Variants in C4orf50 observed in about 807,000 individuals in gnomAD.
The protein encoded by C4orf50 is uncharacterized protein C4orf50.
Under a neutral mutation model 77.2 loss-of-function variants are expected in C4orf50, and 80 were observed. The ratio of observed to expected loss-of-function variants is 1.04; its 90% confidence interval spans 0.87 to 1.25. C4orf50 has a LOEUF of 1.25. Ranked by LOEUF, C4orf50 falls within the 50% of genes most tolerant of loss-of-function variation. The probability of loss-of-function intolerance (pLI) is 0.00; values close to 1 mark genes in which losing one functional copy is unlikely to be tolerated. For missense variants in C4orf50, 1,257 were observed against 1,152.9 expected, an observed-to-expected ratio of 1.09 and a Z score of -1.31; for synonymous variants, 532 against 465.3, an observed-to-expected ratio of 1.14 and a Z score of -1.84.
chr4:5,930,652 G>T (rs75529820), intron 7 of C4orf50, among the ~76,000 whole-genome samples: 279 of 152,326 alleles, frequency 1.8e-3, no homozygotes, highest in African/African-American at 6.4e-3. Context: ...CTGGGGCCCC[G>T]CCCGCCCTGG....
At chr4:5,981,553 T>G (rs946690701) in intron 28 of C4orf50, among the ~76,000 whole-genome samples, 5 of 151,990 alleles carry the variant, frequency 3.3e-5, no homozygotes, top group African/African-American at 1.2e-4. Context: ...TGCAGATATG[T>G]GCCACCACAC....
chr4:5,994,245 C>A (rs565652531), intron 26 of C4orf50, 102 bp downstream of exon 4: 38 of 397,398 alleles, frequency 9.6e-5, no homozygotes, highest in African/African-American at 7.4e-4. Context: ...GGGGACCACC[C>A]CCTCTCCCTG....
At chr4:5,965,751 C>T (rs918012509) in intron 32 of C4orf50, among the ~76,000 whole-genome samples, 1 of 152,188 alleles carries the variant, frequency 6.6e-6, no homozygotes, top group Non-Finnish European at 1.5e-5. Flanking sequence ...ACTGAGAACA[C>T]GTTTCTCTGC....
chr4:5,942,458 C>G (rs1484373135), intron 7 of C4orf50, among the ~76,000 whole-genome samples: 1 of 152,158 alleles, frequency 6.6e-6, no homozygotes, highest in Admixed American at 6.5e-5. Flanking sequence ...TTTAGAAATT[C>G]AATGTGACAG....
Position 5,980,097 on chromosome 4 carries a change from A to G in C4orf50, c.3864+77T>C. 2.3e-6 allele frequency: 3 copies of G among 1,306,628 alleles called. No individual in the cohort carries two copies. In the South Asian group the frequency reaches 4.7e-5, roughly 20 times the overall value. The allele number at this position is 1,306,628 out of a possible 1,614,324, so 80.9% of individuals were successfully genotyped here. On this transcript the variant is annotated intron_variant, in intron 29 of 33. Coordinates refer to ENST00000531445, the Ensembl canonical transcript of C4orf50. ...GGCTGGGTCAAGAAGACCTCAGCAAATCTTTGTTCACTCCCAAAACGCCCC... is the reference window on the plus strand; with the variant it reads ...GGCTGGGTCAAGAAGACCTCAGCAAGTCTTTGTTCACTCCCAAAACGCCCC...
chr4:5,998,573 C>T (rs374273016), intron 25 of C4orf50, among the ~76,000 whole-genome samples: 19 of 152,214 alleles, frequency 1.2e-4, no homozygotes, highest in East Asian at 7.7e-4. Flanking sequence ...TCCTGAAGCC[C>T]CTGACGTGGG....
At chr4:5,917,864 G>A (rs912921349) in intron 7 of C4orf50, among the ~76,000 whole-genome samples, 5 of 151,944 alleles carry the variant, frequency 3.3e-5, no homozygotes, top group Non-Finnish European at 7.4e-5. Flanking sequence ...TCCTGCCTTC[G>A]ACTTCCATAA....
At chr4:5,952,933 A>G (rs1718793334), downstream of C4orf50, among the ~76,000 whole-genome samples, 1 of 152,196 alleles carries the variant, frequency 6.6e-6, no homozygotes, top group African/African-American at 2.4e-5. This position sits in a 1 kb window ranked among gnomAD's most constrained non-coding sequence, Gnocchi z 4.4. Context: ...GAAATATTTT[A>G]TGCCATTGTG....
chr4:5,980,431 G>GTTT, intron 28 of C4orf50, 93 bp from the exon 7 acceptor site: 35 of 940,930 alleles, frequency 3.7e-5, no homozygotes, highest in Non-Finnish European at 4.8e-5. Flanking sequence ...CCACTCCGTA[G>GTTT]TTTTTTTTTT....
chr4:5,999,324 TCTC>T (rs1721730079), intron 25 of C4orf50, among the ~76,000 whole-genome samples: 1 of 152,102 alleles, frequency 6.6e-6, no homozygotes, highest in African/African-American at 2.4e-5. Flanking sequence ...TCCTCAGTGT[TCTC>T]CTCTGCAAAA....
At chr4:5,994,188 T>G (rs73196031) in intron 26 of C4orf50, among the ~76,000 whole-genome samples, 159 bp downstream of exon 4, 12,802 of 152,166 alleles carry the variant, frequency 0.084, 639 homozygotes, top group African/African-American at 0.14. Flanking sequence ...GTGACCCTGA[T>G]AGAGGGACCC....
intron 7 of C4orf50, among the ~76,000 whole-genome samples, chr4:5,947,657 G>T (rs76666020): frequency 1.3e-5 from 2 of 151,974 alleles, no homozygotes; most frequent in Non-Finnish European, 2.9e-5. Context: ...CACACTCACA[G>T]CCCTTCCTTT....
Position 6,015,987 on chromosome 4 carries a change from G to A in C4orf50, c.287+2158C>T, listed in dbSNP as rs913131543. 6.6e-6 allele frequency among the ~76,000 whole-genome samples: 1 copy of A among 152,182 alleles called. No individual in the cohort carries two copies. Among genetic ancestry groups the A allele is most frequent in the South Asian group, 2.1e-4 (1 of 4,830 alleles). On this transcript the variant is annotated intron_variant, in intron 23 of 33. Coordinates refer to ENST00000531445, the Ensembl canonical transcript of C4orf50. The surrounding 1 kb of genome is among the most constrained non-coding windows in gnomAD (Gnocchi z 4.4). ...TGCGTGAGTGTGCGCGTGGGTGTGAGTGTCCTGTTCAGGCCTTGCACCCTG... is the reference window on the plus strand; with the variant it reads ...TGCGTGAGTGTGCGCGTGGGTGTGAATGTCCTGTTCAGGCCTTGCACCCTG...
chr4:5,940,772 TG>T (rs969416990), intron 7 of C4orf50, among the ~76,000 whole-genome samples: 9 of 152,198 alleles, frequency 5.9e-5, no homozygotes, highest in Non-Finnish European at 1.5e-5. Flanking sequence ...GATTTGAGCC[TG>T]GGCCTCAGGA....
chr4:5,954,279 T>C (rs528603454), downstream of C4orf50, among the ~76,000 whole-genome samples: 13 of 152,186 alleles, frequency 8.5e-5, no homozygotes, highest in East Asian at 2.5e-3. This position sits in a 1 kb window ranked among gnomAD's most constrained non-coding sequence, Gnocchi z 4.7. Context: ...TCTGGTCCTG[T>C]GTCCAGCAAA....
At chr4:5,955,366 C>T (rs1718910251), downstream of C4orf50, among the ~76,000 whole-genome samples, 2 of 152,074 alleles carry the variant, frequency 1.3e-5, no homozygotes, top group South Asian at 2.1e-4. This position sits in a 1 kb window ranked among gnomAD's most constrained non-coding sequence, Gnocchi z 5.1. Context: ...TGCTTGGCTC[C>T]TGGGTCACCT....
intron 25 of C4orf50, among the ~76,000 whole-genome samples, chr4:6,003,966 GTGATGGCGA>G (rs1722013981): frequency 7.0e-6 from 1 of 143,514 alleles, no homozygotes; most frequent in African/African-American, 2.6e-5. Context: ...TGGTGATGAT[GTGATGGCGA>G]TGATAGTGAT....
rs763487133 is a variant in C4orf50 at position 5,970,968 on chromosome 4, T to G, written c.4104+2691A>C. Among the ~76,000 whole-genome samples, 2 of 152,118 alleles carry G rather than the reference T, an allele frequency of 1.3e-5. No homozygotes were observed. The highest frequency in any genetic ancestry group is 2.9e-5 in the Non-Finnish European group (2 of 67,994). ...GGATAAATGAAGGCAGCCTGTCCAG[T>G]TGGGACCCTAGCCAGCCCACGCCCC... is the stretch of plus-strand genomic sequence containing the variant. On this transcript the variant is annotated intron_variant, in intron 31 of 33. Transcript: ENST00000531445. This position sits in a 1 kb window ranked among gnomAD's most constrained non-coding sequence, Gnocchi z 4.3.
chr4:5,917,036 A>G (rs922824687), intron 7 of C4orf50, among the ~76,000 whole-genome samples: 1 of 152,206 alleles, frequency 6.6e-6, no homozygotes, highest in Non-Finnish European at 1.5e-5. Flanking sequence ...TGGCCACAGG[A>G]AAGTGGATCC....
Sources: gnomAD v4.1 joint callset for allele counts (sites outside exome capture counted in the v4.1 genomes callset) on GRCh38, gnomAD v4.1.1 for gene constraint, Gnocchi (gnomAD v3.1) non-coding constraint, MANE v1.5 for transcripts, NCBI Gene and HGNC (gene_info 2026-07-23, HGNC 2026-07-21) for gene names.